MAF: variants seen among roughly 807,000 people sequenced by gnomAD.
MAF encodes the protein transcription factor Maf.
In MAF, 10 loss-of-function variants were observed where a neutral mutation model predicts 22.0. The ratio of observed to expected loss-of-function variants is 0.45; its 90% CI spans 0.28 to 0.77. The LOEUF (loss-of-function observed/expected upper bound fraction) is 0.77. Ranked by LOEUF, MAF falls within the 30% of genes least tolerant of loss-of-function variation. The pLI, the probability that MAF is intolerant of heterozygous loss-of-function variation, is 0.12. For synonymous variants in MAF, 337 were observed against 255.8 expected, an observed-to-expected ratio of 1.32 and a Z score of -3.03; for missense variants, 544 against 548.4, an observed-to-expected ratio of 0.99 and a Z score of 0.08.
the MAF span, among the ~76,000 whole-genome samples, chr16:79,403,008 T>G: frequency 6.6e-6 from 1 of 152,182 alleles, no homozygotes. Context: ...GGGCCCTGGT[T>G]GTGAGCAGAC....
the MAF span, among the ~76,000 whole-genome samples, chr16:79,411,557 G>A: frequency 3.9e-5 from 6 of 152,304 alleles, no homozygotes; most frequent in South Asian, 1.0e-3. Context: ...TTTCATCTAA[G>A]TCTGGTGACT....
At chr16:79,255,025 A>G in the MAF span, among the ~76,000 whole-genome samples, 1 of 152,166 alleles carries the variant, frequency 6.6e-6, no homozygotes, top group Admixed American at 6.5e-5. Context: ...AGAGCAAGCA[A>G]TCACTCTGGA....
At chr16:79,265,310 T>C in the MAF span, among the ~76,000 whole-genome samples, 1 of 152,164 alleles carries the variant, frequency 6.6e-6, no homozygotes, top group African/African-American at 2.4e-5. Flanking sequence ...GGCACATAAA[T>C]CAGCCCTCTC....
the MAF span, among the ~76,000 whole-genome samples, chr16:79,380,997 G>C: frequency 6.6e-6 from 1 of 152,236 alleles, no homozygotes; most frequent in East Asian, 1.9e-4. Flanking sequence ...CCCATACCTG[G>C]GATTAGAGCT....
At chr16:79,398,468 A>G in the MAF span, among the ~76,000 whole-genome samples, 5 of 152,282 alleles carry the variant, frequency 3.3e-5, no homozygotes, top group East Asian at 9.7e-4. Flanking sequence ...GGATGGGTGC[A>G]TTATCCAATC....
chr16:79,584,087 T>C (rs1912694099), downstream of MAF, among the ~76,000 whole-genome samples: 1 of 152,176 alleles, frequency 6.6e-6, no homozygotes, highest in Non-Finnish European at 1.5e-5. Context: ...AGAACCATAA[T>C]ATAATCTAGA....
the MAF span, among the ~76,000 whole-genome samples, chr16:79,526,478 G>A: frequency 1.3e-5 from 2 of 152,248 alleles, no homozygotes; most frequent in Admixed American, 6.5e-5. Context: ...TGTGCAGCCC[G>A]GTTCCTTAAA....
chr16:79,314,730 G>A, the MAF span, among the ~76,000 whole-genome samples: 1 of 152,152 alleles, frequency 6.6e-6, no homozygotes, highest in African/African-American at 2.4e-5. Flanking sequence ...TTGCTTAAGG[G>A]CCTCTAGAAA....
the MAF span, among the ~76,000 whole-genome samples, chr16:79,374,262 G>A: frequency 1.3e-5 from 2 of 152,122 alleles, no homozygotes; most frequent in East Asian, 1.9e-4. Context: ...AATTAATGGT[G>A]CCATTTTCCT....
the MAF span, among the ~76,000 whole-genome samples, chr16:79,448,617 G>A: frequency 1.3e-5 from 2 of 151,986 alleles, no homozygotes; most frequent in African/African-American, 4.8e-5. Flanking sequence ...AGTAGAGACA[G>A]GGTTTCACTA....
intron 1 of MAF, 196 bp downstream of exon 1, chr16:79,598,588 GT>G: frequency 6.9e-7 from 1 of 1,443,980 alleles, no homozygotes; most frequent in Non-Finnish European, 9.2e-7. Flanking sequence ...TGGGGTGTGT[GT>G]GTGTGTGTGT....
chr16:79,293,159 T>A, the MAF span, among the ~76,000 whole-genome samples: 1 of 152,214 alleles, frequency 6.6e-6, no homozygotes. Flanking sequence ...CTGAGTTTTC[T>A]TGCGTGAGGT....
the MAF span, among the ~76,000 whole-genome samples, chr16:79,209,833 C>G: frequency 6.6e-6 from 1 of 152,168 alleles, no homozygotes; most frequent in Non-Finnish European, 1.5e-5. Flanking sequence ...ATAAATGTGC[C>G]AGGTGCTAAG....
the MAF span, among the ~76,000 whole-genome samples, chr16:79,486,744 C>T: frequency 3.5e-4 from 54 of 152,302 alleles, no homozygotes; most frequent in African/African-American, 1.2e-3. Context: ...TAGCTTTCCT[C>T]TGTAACATTA....
the MAF span, among the ~76,000 whole-genome samples, chr16:79,532,696 G>T: frequency 6.6e-6 from 1 of 152,194 alleles, no homozygotes; most frequent in Non-Finnish European, 1.5e-5. Context: ...GCATTCGTGT[G>T]TGAGTGTGTG....
chr16:79,485,038 G>A, the MAF span, among the ~76,000 whole-genome samples: 1 of 152,126 alleles, frequency 6.6e-6, no homozygotes, highest in Non-Finnish European at 1.5e-5. Context: ...CATGCTTCTT[G>A]GCCTGATTGC....
At chr16:79,432,169 G>C in the MAF span, among the ~76,000 whole-genome samples, 1 of 152,134 alleles carries the variant, frequency 6.6e-6, no homozygotes, top group Admixed American at 6.5e-5. Flanking sequence ...GTTCTCATGA[G>C]ATCTGATGGT....
At chr16:79,218,226 CT>C in the MAF span, among the ~76,000 whole-genome samples, 7 of 138,106 alleles carry the variant, frequency 5.1e-5, no homozygotes, top group Admixed American at 2.9e-4. Context: ...CATGCCCCCC[CT>C]TTTTTTCCCT....
At chr16:79,306,649 C>G in the MAF span, among the ~76,000 whole-genome samples, 1 of 152,212 alleles carries the variant, frequency 6.6e-6, no homozygotes, top group African/African-American at 2.4e-5. Flanking sequence ...TGGTCACACT[C>G]TAAGTGCTCA....
Sources: allele counts gnomAD v4.1 joint callset (sites outside exome capture counted in the v4.1 genomes callset), GRCh38; gene constraint gnomAD v4.1.1; transcripts MANE v1.5; gene names NCBI Gene and HGNC (gene_info 2026-07-23, HGNC 2026-07-21).